Variants in SSU72L5 observed in about 807,000 individuals in gnomAD.
SSU72L5 encodes the protein RNA polymerase II subunit A C-terminal domain phosphatase SSU72 like protein 5.
chr11:4,233,815 C>T, the SSU72L5 span: 2 of 488,010 alleles, frequency 4.1e-6, no homozygotes, highest in East Asian at 3.5e-5. Flanking sequence ...AGGAGCTGCT[C>T]TTGCAAATGG....
At chr11:4,233,954 A>G in the SSU72L5 span, 260,798 of 400,048 alleles carry the variant, frequency 0.65, 101,736 homozygotes, top group Non-Finnish European at 0.74. Context: ...AGAAGCATCT[A>G]CAAAGACCTT....
the SSU72L5 span, chr11:4,233,808 A>T: frequency 1.8e-6 from 1 of 558,844 alleles, no homozygotes; most frequent in Non-Finnish European, 3.1e-6. Context: ...AATCTGGAGG[A>T]GCTGCTCTTG....
At chr11:4,234,009 A>G in the SSU72L5 span, 4 of 400,900 alleles carry the variant, frequency 1.0e-5, no homozygotes, top group Non-Finnish European at 1.7e-5. Context: ...TCACCTGAAA[A>G]GAGACTATTA....
chr11:4,233,924 T>A, the SSU72L5 span: 2 of 496,334 alleles, frequency 4.0e-6, 1 homozygote, highest in African/African-American at 5.1e-5. Flanking sequence ...GGCATGGGAC[T>A]TTAGTCCGGA....
the SSU72L5 span, among the ~76,000 whole-genome samples, chr11:4,234,258 G>A: frequency 7.1e-6 from 1 of 141,424 alleles, no homozygotes; most frequent in East Asian, 2.1e-4. Flanking sequence ...GTATAGATAA[G>A]CACCTTTTAA....
At chr11:4,233,217 C>G in the SSU72L5 span, 1 of 531,320 alleles carries the variant, frequency 1.9e-6, no homozygotes, top group South Asian at 3.2e-5. Context: ...TATAGGTGGT[C>G]GTCTCCTCGG....
the SSU72L5 span, among the ~76,000 whole-genome samples, chr11:4,234,259 C>G: frequency 7.1e-6 from 1 of 141,344 alleles, no homozygotes; most frequent in Non-Finnish European, 1.5e-5. Context: ...TATAGATAAG[C>G]ACCTTTTAAA....
chr11:4,234,250 A>G, the SSU72L5 span, among the ~76,000 whole-genome samples: 1 of 142,756 alleles, frequency 7.0e-6, no homozygotes, highest in Non-Finnish European at 1.5e-5. Flanking sequence ...ATAACATTGT[A>G]TAGATAAGCA....
At chr11:4,234,222 A>G in the SSU72L5 span, among the ~76,000 whole-genome samples, 3 of 142,738 alleles carry the variant, frequency 2.1e-5, no homozygotes, top group Non-Finnish European at 4.5e-5. Context: ...GATTTGTTTA[A>G]GGGTATTCAG....
chr11:4,234,187 G>A, the SSU72L5 span, among the ~76,000 whole-genome samples: 29 of 141,512 alleles, frequency 2.0e-4, no homozygotes, highest in African/African-American at 7.5e-4. Context: ...AGCAAACCGA[G>A]CTGATAATGG....
At chr11:4,234,277 C>T in the SSU72L5 span, among the ~76,000 whole-genome samples, 7 of 140,442 alleles carry the variant, frequency 5.0e-5, 1 homozygote, top group Non-Finnish European at 1.1e-4. Flanking sequence ...AAATAAAATT[C>T]CTTTTCTCAA....
the SSU72L5 span, chr11:4,233,925 T>G: frequency 6.1e-6 from 3 of 489,472 alleles, no homozygotes; most frequent in African/African-American, 7.7e-5. Flanking sequence ...GCATGGGACT[T>G]TAGTCCGGAT....
the SSU72L5 span, among the ~76,000 whole-genome samples, chr11:4,234,040 A>G: frequency 2.3e-5 from 3 of 130,768 alleles, 1 homozygote; most frequent in African/African-American, 9.6e-5. Flanking sequence ...ATTTTATGGG[A>G]AATGAGAAGG....
At chr11:4,234,068 C>T in the SSU72L5 span, among the ~76,000 whole-genome samples, 1 of 132,336 alleles carries the variant, frequency 7.6e-6, no homozygotes, top group African/African-American at 3.1e-5. Flanking sequence ...TTTTTAAAAG[C>T]ACTGAAAAAT....
chr11:4,233,890 G>T, the SSU72L5 span: 60 of 519,606 alleles, frequency 1.2e-4, no homozygotes, highest in Non-Finnish European at 1.8e-4. Context: ...GGCTGGCTTT[G>T]TCCCCTTCCT....
the SSU72L5 span, among the ~76,000 whole-genome samples, chr11:4,234,178 G>A: frequency 7.8e-5 from 11 of 141,866 alleles, no homozygotes; most frequent in Non-Finnish European, 3.0e-5. Flanking sequence ...TTCCAGATGA[G>A]CAAACCGAGC....
chr11:4,234,184 C>G, the SSU72L5 span, among the ~76,000 whole-genome samples: 34 of 141,306 alleles, frequency 2.4e-4, no homozygotes, highest in African/African-American at 8.9e-4. Context: ...ATGAGCAAAC[C>G]GAGCTGATAA....
At chr11:4,233,364 T>C in the SSU72L5 span, 1 of 710,360 alleles carries the variant, frequency 1.4e-6, no homozygotes, top group East Asian at 2.5e-5. Flanking sequence ...CACAGCATCC[T>C]CAGGAGAAAA....
At chr11:4,233,219 T>C in the SSU72L5 span, 1 of 529,888 alleles carries the variant, frequency 1.9e-6, no homozygotes. Context: ...TAGGTGGTCG[T>C]CTCCTCGGCT....
Sources: allele counts gnomAD v4.1 joint callset (sites outside exome capture counted in the v4.1 genomes callset), GRCh38; gene constraint gnomAD v4.1.1; transcripts MANE v1.5; gene names NCBI Gene and HGNC (gene_info 2026-07-23, HGNC 2026-07-21).